The following TNNI3K variants were observed in gnomAD, a reference collection of about 807,000 sequenced individuals.
TNNI3K encodes the protein serine/threonine-protein kinase TNNI3K.
Under a neutral mutation model 114.5 loss-of-function variants are expected in TNNI3K, and 140 were observed. The ratio of observed to expected loss-of-function variants is 1.22; its 90% confidence interval spans 1.07 to 1.41. The LOEUF (loss-of-function observed/expected upper bound fraction) is 1.41, where lower values mean the gene tolerates loss of function less well. TNNI3K is among the 40% of genes most tolerant of loss of function. The pLI is 0.00. For synonymous variants in TNNI3K, 347 were observed against 347.5 expected, an observed-to-expected ratio of 1.00 and a Z score of 0.02; for missense variants, 1,125 against 1,007.6, an observed-to-expected ratio of 1.12 and a Z score of -1.58.
intron 21 of TNNI3K, among the ~76,000 whole-genome samples, chr1:74,467,110 A>G (rs1190497423): frequency 1.3e-5 from 2 of 152,198 alleles, no homozygotes; most frequent in Admixed American, 1.3e-4. Context: ...GTTTTCTGAA[A>G]GAAGGCGGCT....
At chr1:74,438,438 A>G (rs1666232132) in intron 19 of TNNI3K, among the ~76,000 whole-genome samples, 1 of 152,092 alleles carries the variant, frequency 6.6e-6, no homozygotes. Flanking sequence ...TAAGAGTGAT[A>G]AAAGAATAAT....
chr1:74,492,669 A>G (rs1669139448), intron 23 of TNNI3K, among the ~76,000 whole-genome samples: 1 of 152,216 alleles, frequency 6.6e-6, no homozygotes, highest in Non-Finnish European at 1.5e-5. Flanking sequence ...CATTCCTAGG[A>G]ATATACCCTA....
At chr1:74,332,765 C>A (rs997035059) in intron 6 of TNNI3K, among the ~76,000 whole-genome samples, 4 of 152,044 alleles carry the variant, frequency 2.6e-5, no homozygotes, top group Non-Finnish European at 5.9e-5. Context: ...TCTTCTTATT[C>A]TTCTTCAACC....
At chr1:74,470,493 A>C in intron 21 of TNNI3K, 1 of 400,678 alleles carries the variant, frequency 2.5e-6, no homozygotes, top group Non-Finnish European at 4.4e-6. Context: ...CTTGACTACT[A>C]ACAGGAGAAG....
intron 20 of TNNI3K, 41 bp from the exon 21 acceptor site, chr1:74,463,400 A>T (rs1667532869): frequency 6.2e-7 from 1 of 1,605,524 alleles, no homozygotes; most frequent in African/African-American, 1.3e-5. Flanking sequence ...CTTGAAATAA[A>T]CATGTGAATT....
At chr1:74,435,595 G>T (rs1359333887) in intron 17 of TNNI3K, among the ~76,000 whole-genome samples, 1 of 152,034 alleles carries the variant, frequency 6.6e-6, no homozygotes, top group African/African-American at 2.4e-5. Context: ...TGCTGAGATT[G>T]TATCTAGAAT....
intron 23 of TNNI3K, among the ~76,000 whole-genome samples, chr1:74,503,616 G>T (rs560752448): frequency 6.6e-6 from 1 of 152,034 alleles, no homozygotes; most frequent in Non-Finnish European, 1.5e-5. Flanking sequence ...TCTCTGAGAC[G>T]TAAAATTTTT....
intron 20 of TNNI3K, among the ~76,000 whole-genome samples, chr1:74,443,504 G>A (rs1666477900): frequency 6.6e-6 from 1 of 152,062 alleles, no homozygotes; most frequent in Non-Finnish European, 1.5e-5. Flanking sequence ...TTCTGAAATT[G>A]AGGCAATAAT....
intron 9 of TNNI3K, 122 bp from the exon 10 acceptor site, chr1:74,353,144 C>T (rs1487060118): frequency 2.0e-6 from 2 of 1,014,100 alleles, no homozygotes; most frequent in Non-Finnish European, 2.9e-6. Context: ...AATACAGTCT[C>T]ATTGTCAGGT....
At chr1:74,500,056 T>C (rs1320883506) in intron 23 of TNNI3K, among the ~76,000 whole-genome samples, 1 of 151,876 alleles carries the variant, frequency 6.6e-6, no homozygotes, top group African/African-American at 2.4e-5. Context: ...TAATATATTA[T>C]TTAAAATAAC....
At chr1:74,404,111 C>A (rs1300691986) in intron 17 of TNNI3K, among the ~76,000 whole-genome samples, 3 of 152,012 alleles carry the variant, frequency 2.0e-5, no homozygotes, top group African/African-American at 7.2e-5. Context: ...AAGAAAATGC[C>A]TCTCACCTAA....
At chr1:74,299,430 T>C (rs1220029279) in intron 5 of TNNI3K, among the ~76,000 whole-genome samples, 5 of 150,984 alleles carry the variant, frequency 3.3e-5, no homozygotes, top group African/African-American at 1.2e-4. Context: ...ACTTTTTTGA[T>C]ACAGTAAATT....
At chr1:74,300,770 G>T (rs1658276765) in intron 5 of TNNI3K, among the ~76,000 whole-genome samples, 1 of 152,182 alleles carries the variant, frequency 6.6e-6, no homozygotes, top group African/African-American at 2.4e-5. Context: ...TGCTCTGGAG[G>T]CAAACAAATT....
At chr1:74,501,950 A>T (rs1669656025) in intron 23 of TNNI3K, among the ~76,000 whole-genome samples, 2 of 152,040 alleles carry the variant, frequency 1.3e-5, no homozygotes, top group South Asian at 2.1e-4. Context: ...TATCCTCTGC[A>T]TATCTTTATG....
intron 5 of TNNI3K, among the ~76,000 whole-genome samples, chr1:74,271,970 T>C (rs1656380445): frequency 6.6e-6 from 1 of 151,906 alleles, no homozygotes; most frequent in Non-Finnish European, 1.5e-5. Context: ...TTTCCACAAC[T>C]TGCTATTTTA....
intron 7 of TNNI3K, among the ~76,000 whole-genome samples, chr1:74,339,456 C>A (rs1008469642): frequency 6.6e-6 from 1 of 152,000 alleles, no homozygotes; most frequent in Admixed American, 6.6e-5. Context: ...TGTAGCTAAG[C>A]CTCCAAATGA....
At chr1:74,262,099 T>C (rs45539540) in intron 4 of TNNI3K, among the ~76,000 whole-genome samples, 199 of 152,250 alleles carry the variant, frequency 1.3e-3, no homozygotes, top group African/African-American at 4.6e-3. Context: ...GATTGCAAAG[T>C]TGAAATTTTC....
intron 9 of TNNI3K, among the ~76,000 whole-genome samples, chr1:74,347,498 T>C (rs4465151): frequency 7.8e-4 from 119 of 152,252 alleles, no homozygotes; most frequent in Middle Eastern, 6.8e-3. Flanking sequence ...TGATTTATAA[T>C]CCTCTGGGTA....
At chr1:74,330,217 A>G (rs888266293) in intron 5 of TNNI3K, among the ~76,000 whole-genome samples, 1 of 152,040 alleles carries the variant, frequency 6.6e-6, no homozygotes, top group Non-Finnish European at 1.5e-5. Context: ...AGCTACAGAA[A>G]ATTGAAAAGA....
Sources: allele counts gnomAD v4.1 joint callset (sites outside exome capture counted in the v4.1 genomes callset), GRCh38; gene constraint gnomAD v4.1.1; transcripts MANE v1.5; gene names NCBI Gene and HGNC (gene_info 2026-07-23, HGNC 2026-07-21).